SGCD: variants seen among roughly 807,000 people sequenced by gnomAD.
SGCD encodes delta-sarcoglycan.
A neutral mutation model predicts 36.6 loss-of-function variants in SGCD; 18 were observed. The observed-to-expected ratio is 0.49, with a 90% CI of 0.34 to 0.73. The LOEUF is 0.73. Ranked by LOEUF, SGCD falls within the 30% of genes least tolerant of loss-of-function variation. The pLI is 0.01. For synonymous variants in SGCD, 133 were observed against 130.6 expected, an observed-to-expected ratio of 1.02 and a Z score of -0.12; for missense variants, 387 against 346.7, an observed-to-expected ratio of 1.12 and a Z score of -0.92.
chr5:156,150,913 G>T (rs530644784), intron 3 of SGCD, among the ~76,000 whole-genome samples: 1 of 151,702 alleles, frequency 6.6e-6, no homozygotes, highest in South Asian at 2.1e-4. Flanking sequence ...ATAGTCATGT[G>T]GCCTGAAAGT....
At chr5:156,385,074 C>T (rs1233582076) in intron 3 of SGCD, among the ~76,000 whole-genome samples, 1 of 152,182 alleles carries the variant, frequency 6.6e-6, no homozygotes, top group African/African-American at 2.4e-5. Context: ...CAAGAGACCA[C>T]TCAAAAGTGT....
At chr5:155,833,315 A>G in the SGCD span, among the ~76,000 whole-genome samples, 1 of 152,216 alleles carries the variant, frequency 6.6e-6, no homozygotes, top group Non-Finnish European at 1.5e-5. Flanking sequence ...TAGACAAAAC[A>G]TTTTATATTT....
chr5:156,112,474 G>A (rs1761810154), intron 1 of SGCD, among the ~76,000 whole-genome samples: 1 of 152,132 alleles, frequency 6.6e-6, no homozygotes, highest in African/African-American at 2.4e-5. Context: ...GGAAGCATAA[G>A]GTTTTGGGAA....
intron 7 of SGCD, among the ~76,000 whole-genome samples, chr5:156,751,594 AC>A (rs1205993027): frequency 2.0e-5 from 3 of 152,236 alleles, no homozygotes; most frequent in African/African-American, 7.2e-5. Context: ...AAAGTATTCC[AC>A]AAATCACACA....
intron 2 of SGCD, among the ~76,000 whole-genome samples, chr5:156,337,395 A>G (rs1340374991): frequency 6.6e-6 from 1 of 152,224 alleles, no homozygotes; most frequent in Non-Finnish European, 1.5e-5. Context: ...TAATGTAGCC[A>G]TCAGTCTTGC....
chr5:156,419,835 A>AT (rs1439552075), intron 3 of SGCD, among the ~76,000 whole-genome samples: 1 of 152,162 alleles, frequency 6.6e-6, no homozygotes, highest in Non-Finnish European at 1.5e-5. Context: ...TTCCATCTGC[A>AT]TAAGTGATAG....
chr5:156,344,461 T>C, intron 2 of SGCD, 28 bp from the exon 3 acceptor site: 1 of 1,488,092 alleles, frequency 6.7e-7, no homozygotes. Flanking sequence ...TTAATGTGAG[T>C]GCTTCTCTCT....
At chr5:156,540,234 T>C (rs2113144807) in intron 4 of SGCD, among the ~76,000 whole-genome samples, 1 of 152,288 alleles carries the variant, frequency 6.6e-6, no homozygotes, top group Admixed American at 6.5e-5. Flanking sequence ...AAATATTGTA[T>C]GTAAAGCACT....
intron 6 of SGCD, among the ~76,000 whole-genome samples, chr5:156,617,094 G>T (rs1163437139): frequency 6.6e-6 from 1 of 152,114 alleles, no homozygotes; most frequent in Non-Finnish European, 1.5e-5. Flanking sequence ...TTCCTCATTA[G>T]AATGTAAGCT....
intron 3 of SGCD, among the ~76,000 whole-genome samples, chr5:156,269,215 A>G (rs542492943): frequency 6.6e-6 from 1 of 152,006 alleles, no homozygotes; most frequent in South Asian, 2.1e-4. Flanking sequence ...CACACCTGTA[A>G]TCCCAGCACT....
In SGCD at chr5:156,344,541, G is replaced by A. The variant is rs778664534; in HGVS notation, c.56G>A (p.Gly19Glu). ...CGGAGCACCATGCCTGGCTCTGTGGGGCCACAGGTATACAAGGTGGGGATT... is the reference window on the plus strand; with the variant it reads ...CGGAGCACCATGCCTGGCTCTGTGGAGCCACAGGTATACAAGGTGGGGATT... ...HHRSTMPGSV[G>E]PQVYKVGIYG... The change falls in exon 3 of 9, where the codon GGG becomes GAG. Residue 19 changes from glycine to glutamate, a missense_variant. Coordinates refer to ENST00000337851, the MANE Select transcript of SGCD (RefSeq NM_000337.6). 3.7e-6 allele frequency: 6 copies of A among 1,610,890 alleles called. No homozygotes were observed. The South Asian group carries it at 4.4e-5, about 12-fold the overall frequency.
rs943869827 is a variant in SGCD at position 156,255,968 on chromosome 5, G to C, written c.-43-73566G>C. ...ACTTCTTTGTTGATAAGTATTTTTT[G>C]TACAAACAAATCTGTGAGGTGATAA... On this transcript the variant is annotated intron_variant, in intron 3 of 9. Coordinates refer to the SGCD transcript ENST00000517913. Among the ~76,000 whole-genome samples the C allele has an allele frequency of 2.9e-4, 44 of 151,806 alleles. 4 individuals are homozygous for C. The highest frequency in any genetic ancestry group is 2.2e-3 in the Admixed American group (33 of 15,266).
At chr5:156,637,914 C>G (rs1762891470) in intron 6 of SGCD, among the ~76,000 whole-genome samples, 1 of 151,948 alleles carries the variant, frequency 6.6e-6, no homozygotes. Flanking sequence ...TTTCTACTTG[C>G]TGGTTCTTAA....
At chr5:156,349,467 A>G (rs1424838271) in intron 3 of SGCD, among the ~76,000 whole-genome samples, 1 of 152,116 alleles carries the variant, frequency 6.6e-6, no homozygotes, top group African/African-American at 2.4e-5. Flanking sequence ...AAAAGAATTG[A>G]TATAAATGGC....
chr5:156,069,195 G>T (rs111330790), intron 1 of SGCD, among the ~76,000 whole-genome samples: 10,037 of 152,068 alleles, frequency 0.066, 1,108 homozygotes, highest in African/African-American at 0.22. Context: ...TAAAGTCCTT[G>T]CCCATGCCTA....
chr5:155,826,761 G>A, the SGCD span, among the ~76,000 whole-genome samples: 96 of 152,302 alleles, frequency 6.3e-4, no homozygotes, highest in African/African-American at 2.0e-3. Flanking sequence ...ATGACAGCAA[G>A]GATGATGTTC....
At chr5:155,930,406 C>G (rs1757077716) in intron 1 of SGCD, among the ~76,000 whole-genome samples, 11 of 152,184 alleles carry the variant, frequency 7.2e-5, no homozygotes, top group Admixed American at 7.2e-4. Flanking sequence ...CTGTATTGTG[C>G]AAGCAAGATG....
At chr5:156,054,574 C>T (rs1325201905) in intron 1 of SGCD, among the ~76,000 whole-genome samples, 1 of 146,626 alleles carries the variant, frequency 6.8e-6, no homozygotes, top group Non-Finnish European at 1.5e-5. Context: ...CGTGAGCCAC[C>T]GCGCCCGGCC....
chr5:156,648,153 C>T (rs1285489845), intron 7 of SGCD, among the ~76,000 whole-genome samples: 1 of 152,108 alleles, frequency 6.6e-6, no homozygotes, highest in Non-Finnish European at 1.5e-5. Flanking sequence ...AACCATGCCC[C>T]TGTCCCTCCC....
Sources: gnomAD v4.1 joint callset for allele counts (sites outside exome capture counted in the v4.1 genomes callset) on GRCh38, gnomAD v4.1.1 for gene constraint, MANE v1.5 for transcripts, NCBI Gene and HGNC (gene_info 2026-07-23, HGNC 2026-07-21) for gene names.